The following MGAT4C variants were observed in gnomAD, a reference collection of about 807,000 sequenced individuals.
The protein encoded by MGAT4C is MGAT4 family member C, also known as alpha-1,3-mannosyl-glycoprotein 4-beta-N-acetylglucosaminyltransferase C.
In MGAT4C, 19 loss-of-function variants were observed where a neutral mutation model predicts 40.1. The observed-to-expected ratio is 0.47, with a 90% CI of 0.33 to 0.70. The LOEUF (loss-of-function observed/expected upper bound fraction) is 0.70, where lower values mean the gene tolerates loss of function less well. Among genes scored for constraint, MGAT4C ranks in the 30% least tolerant of loss-of-function variants. MGAT4C has a pLI of 0.02. For synonymous variants in MGAT4C, 181 were observed against 187.1 expected, an observed-to-expected ratio of 0.97 and a Z score of 0.27; for missense variants, 491 against 563.2, an observed-to-expected ratio of 0.87 and a Z score of 1.30.
intron 1 of MGAT4C, among the ~76,000 whole-genome samples, chr12:86,754,077 CAA>C (rs1403836665): frequency 6.6e-6 from 1 of 151,976 alleles, no homozygotes; most frequent in Non-Finnish European, 1.5e-5. Context: ...AGCCCTGAAC[CAA>C]AACAACCAAA....
At chr12:85,992,659 A>G (rs1052897084) in intron 2 of MGAT4C, among the ~76,000 whole-genome samples, 3 of 152,246 alleles carry the variant, frequency 2.0e-5, no homozygotes, top group African/African-American at 7.2e-5. Flanking sequence ...GTATCTGTAC[A>G]TAAATTTGTG....
intron 1 of MGAT4C, among the ~76,000 whole-genome samples, chr12:86,792,719 G>T (rs1449190568): frequency 1.3e-5 from 2 of 152,060 alleles, no homozygotes; most frequent in Non-Finnish European, 2.9e-5. Context: ...ATCACCTGAG[G>T]TCATGAGTTC....
chr12:86,393,229 C>T (rs1260942291), intron 3 of MGAT4C, among the ~76,000 whole-genome samples: 4 of 151,914 alleles, frequency 2.6e-5, no homozygotes, highest in Non-Finnish European at 5.9e-5. Flanking sequence ...ATCTCTTTGC[C>T]CAATATGCTT....
At chr12:85,994,658 A>T (rs1008458820) in intron 2 of MGAT4C, among the ~76,000 whole-genome samples, 2 of 152,168 alleles carry the variant, frequency 1.3e-5, no homozygotes, top group African/African-American at 4.8e-5. Context: ...AAAAAACAAA[A>T]AAACACTCGG....
At chr12:86,828,256 AG>A (rs1952847002) in intron 1 of MGAT4C, among the ~76,000 whole-genome samples, 1 of 151,060 alleles carries the variant, frequency 6.6e-6, no homozygotes, top group Non-Finnish European at 1.5e-5. Flanking sequence ...CATGTAAAAC[AG>A]GAAACAAGGA....
At position 86,629,783 on chromosome 12, in the gene MGAT4C, T is replaced by A. The variant is rs188696725; in HGVS notation, c.-229+97426A>T. ...GTAGAGGGAAATTTACAACACTAAA[T>A]GCCCACAAGAGAAAGCAAGAAAGAT... On this transcript the variant is annotated intron_variant, in intron 2 of 7. Transcript: ENST00000548651. 1.6e-3 allele frequency among the ~76,000 whole-genome samples: 238 copies of A among 152,272 alleles called. 1 individual carries two copies. The highest frequency in any genetic ancestry group is 5.3e-3 in the African/African-American group (220 of 41,560).
intron 1 of MGAT4C, among the ~76,000 whole-genome samples, chr12:86,252,038 T>C (rs931283496): frequency 6.6e-6 from 1 of 152,064 alleles, no homozygotes; most frequent in African/African-American, 2.4e-5. Flanking sequence ...TACTGCTTAA[T>C]AGCTCTAGAT....
intron 1 of MGAT4C, among the ~76,000 whole-genome samples, chr12:86,816,334 A>G (rs1271128300): frequency 6.6e-6 from 1 of 151,880 alleles, no homozygotes; most frequent in Non-Finnish European, 1.5e-5. Context: ...TTTTAAAAAT[A>G]CGTTACAAGT....
intron 1 of MGAT4C, among the ~76,000 whole-genome samples, chr12:86,199,543 T>C (rs921043230): frequency 6.6e-6 from 1 of 152,172 alleles, no homozygotes; most frequent in Non-Finnish European, 1.5e-5. Flanking sequence ...GTTTTTTATG[T>C]GTATTTCATG....
chr12:86,190,287 A>G (rs889486796), intron 1 of MGAT4C, among the ~76,000 whole-genome samples: 1 of 152,126 alleles, frequency 6.6e-6, no homozygotes, highest in Non-Finnish European at 1.5e-5. Flanking sequence ...TAAAAAATCA[A>G]TTAGAAAGAT....
chr12:86,182,151 A>G lies in MGAT4C; in HGVS notation c.-57+74088T>C, dbSNP rs1356814922. Among the ~76,000 whole-genome samples the G allele has an allele frequency of 1.3e-5, 2 of 152,152 alleles. 1 individual carries two copies. The highest frequency in any genetic ancestry group is 4.8e-5 in the African/African-American group (2 of 41,460). On this transcript the variant is annotated intron_variant, in intron 1 of 4. Coordinates refer to ENST00000611864, the MANE Select transcript of MGAT4C (RefSeq NM_001351288.2). ...CTCTTGGACATTGAATAAAATGATT[A>G]CTGTGAATATCAACATTTTATATTC...
chr12:86,564,596 A>G (rs1960010160), intron 2 of MGAT4C, among the ~76,000 whole-genome samples: 1 of 152,222 alleles, frequency 6.6e-6, no homozygotes, highest in African/African-American at 2.4e-5. Context: ...AAATTCGGGG[A>G]ACTTCTACCT....
At chr12:86,304,879 A>T (rs1953897398) in intron 4 of MGAT4C, among the ~76,000 whole-genome samples, 1 of 150,690 alleles carries the variant, frequency 6.6e-6, no homozygotes, top group African/African-American at 2.5e-5. Context: ...GTAGCTGGGA[A>T]GAAGGAAGAG....
chr12:86,689,341 T>A (rs1338197266), intron 2 of MGAT4C, among the ~76,000 whole-genome samples: 1 of 152,164 alleles, frequency 6.6e-6, no homozygotes, highest in Non-Finnish European at 1.5e-5. Context: ...AAGACTACTC[T>A]GTCAATTTAT....
At chr12:86,502,851 T>TAC (rs1958381054) in intron 2 of MGAT4C, among the ~76,000 whole-genome samples, 1 of 94,994 alleles carries the variant, frequency 1.1e-5, no homozygotes, top group Non-Finnish European at 2.0e-5. Context: ...CATATATATA[T>TAC]ATGAGTTCTG....
At chr12:86,686,445 C>G (rs561199230) in intron 2 of MGAT4C, among the ~76,000 whole-genome samples, 3 of 152,196 alleles carry the variant, frequency 2.0e-5, no homozygotes, top group Non-Finnish European at 4.4e-5. Context: ...CAGTTTTTGC[C>G]CATTCACTAT....
intron 2 of MGAT4C, among the ~76,000 whole-genome samples, chr12:86,643,342 G>A (rs1477831707): frequency 6.6e-6 from 1 of 151,742 alleles, no homozygotes; most frequent in Non-Finnish European, 1.5e-5. Flanking sequence ...TCAAATCATA[G>A]CAATGCTCAA....
At chr12:86,564,848 CAGG>C (rs1960019790) in intron 2 of MGAT4C, among the ~76,000 whole-genome samples, 1 of 152,174 alleles carries the variant, frequency 6.6e-6, no homozygotes, top group Non-Finnish European at 1.5e-5. Context: ...GGCTCTGCAA[CAGG>C]TCCAGGCTGC....
intron 3 of MGAT4C, among the ~76,000 whole-genome samples, chr12:86,373,776 G>A (rs1955768358): frequency 6.6e-6 from 1 of 151,794 alleles, no homozygotes; most frequent in African/African-American, 2.4e-5. Flanking sequence ...CTTGAACTAA[G>A]GTTGTTTAGT....
Sources: gnomAD v4.1 joint callset for allele counts (sites outside exome capture counted in the v4.1 genomes callset) on GRCh38, gnomAD v4.1.1 for gene constraint, MANE v1.5 for transcripts, NCBI Gene and HGNC (gene_info 2026-07-23, HGNC 2026-07-21) for gene names.